AGAP1: variants seen among roughly 807,000 people sequenced by gnomAD.
The protein encoded by AGAP1 is ArfGAP with GTPase domain, ankyrin repeat and PH domain 1.
A neutral mutation model predicts 105.3 loss-of-function variants in AGAP1; 29 were observed. The observed-to-expected ratio is 0.28, with a 90% CI of 0.21 to 0.38. The LOEUF (loss-of-function observed/expected upper bound fraction) is 0.38, where lower values mean the gene tolerates loss of function less well. Among genes scored for constraint, AGAP1 ranks in the 10% least tolerant of loss-of-function variants. The probability of loss-of-function intolerance (pLI) is 1.00; values close to 1 mark genes in which losing one functional copy is unlikely to be tolerated. For missense variants in AGAP1, 998 were observed against 1,165.1 expected (o/e 0.86, Z 2.09); for synonymous variants, 509 against 485.9 (o/e 1.05, Z -0.63).
At chr2:235,682,888 G>A (rs1274300333) in intron 1 of AGAP1, among the ~76,000 whole-genome samples, 1 of 151,816 alleles carries the variant, frequency 6.6e-6, no homozygotes, top group African/African-American at 2.4e-5. Context: ...TTTTGTTGAT[G>A]GACTCATCTC....
chr2:235,580,228 G>C (rs1211318439), intron 1 of AGAP1, among the ~76,000 whole-genome samples: 1 of 152,144 alleles, frequency 6.6e-6, no homozygotes, highest in African/African-American at 2.4e-5. Context: ...GGATTTGCTT[G>C]AGTTGCCATT....
Position 235,832,821 on chromosome 2 carries a change from C to T in AGAP1, c.1050+25490C>T, listed in dbSNP as rs1435430711. ...TAGAAGGCAGGTGGGCAGCTGGCACCCAGATCCCATGGATCAATACCATGT... is the reference window on the plus strand; with the variant it reads ...TAGAAGGCAGGTGGGCAGCTGGCACTCAGATCCCATGGATCAATACCATGT... On this transcript the variant is annotated intron_variant, in intron 9 of 17. Coordinates refer to ENST00000304032, the MANE Select transcript of AGAP1 (RefSeq NM_001037131.3). Among the ~76,000 whole-genome samples the T allele has an allele frequency of 2.0e-5, 3 of 152,132 alleles. No homozygotes were observed. The East Asian group carries it at 5.8e-4, about 29-fold the overall frequency.
chr2:235,750,414 A>G lies in AGAP1; in HGVS notation c.599A>G (p.Asn200Ser), dbSNP rs142215390. 4.6e-5 allele frequency: 75 copies of G among 1,614,204 alleles called. No individual in the cohort carries two copies. The highest frequency in any genetic ancestry group is 5.5e-5 in the Non-Finnish European group (65 of 1,180,040). Residue 200 changes from asparagine (N) to serine (S), a missense_variant, in exon 6 of 18, where the codon AAC becomes AGC. Transcript: ENST00000304032. The surrounding 1 kb of genome is among the most constrained non-coding windows in gnomAD (Gnocchi z 5.3). The part of the protein sequence containing the change: ...IDDARARKLS[N>S]DLKRCTYYET... ...GACGCCAGGGCGAGGAAGCTCTCCA[A>G]CGACCTGAAACGGTGCACGTACTAC...
At chr2:236,099,044 CG>C (rs2059269655) in intron 16 of AGAP1, among the ~76,000 whole-genome samples, 1 of 151,900 alleles carries the variant, frequency 6.6e-6, no homozygotes, top group Admixed American at 6.6e-5. Context: ...ACCTCCCCAG[CG>C]GGGGAGCCAG....
Position 236,036,677 on chromosome 2 carries a change from C to G in AGAP1, c.1762C>G (p.Leu588Val). 6.2e-7 allele frequency: 1 copy of G among 1,614,224 alleles called. No homozygotes were observed. Among genetic ancestry groups the G allele is most frequent in the Non-Finnish European group, 8.5e-7 (1 of 1,180,038 alleles). Residue 588 changes from leucine (L) to valine (V), a missense_variant, in exon 14 of 18, where the codon CTG (leucine) becomes GTG (valine). This residue lies in a region of AGAP1 where 735 missense variants were observed against 833.4 expected (regional missense o/e 0.88). Transcript: ENST00000304032. This position sits in a 1 kb window ranked among gnomAD's most constrained non-coding sequence, Gnocchi z 5.7. ...GGTCCAAGCCATCGAGAGCCAGATC[C>G]TGGCCAGCCTGCAGTCGTGCGAGAG... ...AWVQAIESQI[L>V]ASLQSCESSK...
At chr2:235,770,626 G>T (rs967332794) in intron 6 of AGAP1, among the ~76,000 whole-genome samples, 2 of 152,172 alleles carry the variant, frequency 1.3e-5, no homozygotes, top group Non-Finnish European at 2.9e-5. Flanking sequence ...TTAAATAGAA[G>T]CTTAAACTGA....
Position 236,124,051 on chromosome 2 carries a change from G to A in AGAP1, c.2503G>A (p.Ala835Thr). The change falls in exon 18 of 18, where the codon GCC (alanine) becomes ACC (threonine). Residue 835 changes from alanine (A) to threonine (T), a missense_variant. Physicochemically the swap from Ala to Thr is moderately conservative, Grantham distance 58 (BLOSUM62 0). Transcript: ENST00000304032. The surrounding 1 kb of genome is among the most constrained non-coding windows in gnomAD (Gnocchi z 5.1). ...GCPDERFVLM[A>T]TPNLSRRNNN... ...CCCCGACGAGCGCTTCGTGCTCATG[G>A]CCACCCCTAACCTGTCCAGGAGAAA... is the stretch of plus-strand genomic sequence containing the variant. 2 of 1,614,102 alleles carry A rather than the reference G, an allele frequency of 1.2e-6. No individual in the cohort carries two copies.
At chr2:235,632,537 G>T (rs544964684) in intron 1 of AGAP1, among the ~76,000 whole-genome samples, 3 of 152,330 alleles carry the variant, frequency 2.0e-5, no homozygotes, top group Non-Finnish European at 4.4e-5. Flanking sequence ...GGGGTCATCT[G>T]TGACCATCTG....
intron 11 of AGAP1, among the ~76,000 whole-genome samples, chr2:235,917,578 G>C (rs1050304169): frequency 6.6e-6 from 1 of 152,048 alleles, no homozygotes; most frequent in South Asian, 2.1e-4. Context: ...CAGGGACCGG[G>C]GTAATAAGGA....
At position 235,900,081 on chromosome 2, in the gene AGAP1, C is replaced by T. The variant is rs996002640; in HGVS notation, c.1156-8657C>T. Among the ~76,000 whole-genome samples the T allele has an allele frequency of 1.3e-5, 2 of 152,212 alleles. No individual in the cohort carries two copies. The highest frequency in any genetic ancestry group is 2.9e-5 in the Non-Finnish European group (2 of 68,044). On this transcript the variant is annotated intron_variant, in intron 10 of 17. Coordinates refer to ENST00000304032, the MANE Select transcript of AGAP1 (RefSeq NM_001037131.3). This position sits in a 1 kb window ranked among gnomAD's most constrained non-coding sequence, Gnocchi z 5.5. ...ATGAAGCAGAGAAGTCTGCTTTTGC[C>T]ATCATGTAGGGACTCTCCACTGTAC...
chr2:235,561,933 A>T (rs1944166692), intron 1 of AGAP1, among the ~76,000 whole-genome samples: 2 of 152,184 alleles, frequency 1.3e-5, no homozygotes, highest in Admixed American at 1.3e-4. Flanking sequence ...CATTTAACTT[A>T]GATTTATGGC....
chr2:236,040,746 C>A lies in AGAP1; in HGVS notation c.1801-5C>A. On this transcript the variant is annotated splice_polypyrimidine_tract_variant and splice_region_variant and intron_variant, in intron 14 of 17. Coordinates refer to ENST00000304032, the MANE Select transcript of AGAP1 (RefSeq NM_001037131.3). The surrounding 1 kb of genome is among the most constrained non-coding windows in gnomAD (Gnocchi z 5.6). ...CCTTGTATTTGTGTCTTCCTCCGTG[C>A]CCAGTCCCGGCTGACGAGCCAGAGC... The A allele has an allele frequency of 6.2e-7, 1 of 1,612,966 alleles. No individual in the cohort carries two copies. The highest frequency in any genetic ancestry group is 8.5e-7 in the Non-Finnish European group (1 of 1,180,008).
intron 16 of AGAP1, among the ~76,000 whole-genome samples, chr2:236,118,103 G>A (rs538697819): frequency 1.3e-5 from 2 of 152,278 alleles, no homozygotes; most frequent in African/African-American, 2.4e-5. Context: ...GGGCTAACCC[G>A]ACACTAGATC....
intron 16 of AGAP1, among the ~76,000 whole-genome samples, chr2:236,070,075 G>A (rs759661888): frequency 5.3e-5 from 8 of 152,240 alleles, no homozygotes; most frequent in Non-Finnish European, 2.9e-5. Context: ...GCTGGCTGTG[G>A]CGCTGTATGA....
intron 16 of AGAP1, among the ~76,000 whole-genome samples, chr2:236,059,416 C>T (rs1417391698): frequency 6.6e-6 from 1 of 152,080 alleles, no homozygotes; most frequent in East Asian, 1.9e-4. Flanking sequence ...GGCAAAATCA[C>T]TTTCAGAATC....
rs951328581 is a variant in AGAP1 at position 235,733,344 on chromosome 2, C to T, written c.311-7619C>T. 3.3e-5 allele frequency among the ~76,000 whole-genome samples: 5 copies of T among 152,190 alleles called. No homozygotes were observed. The highest frequency in any genetic ancestry group is 1.2e-4 in the African/African-American group (5 of 41,452). ...CACGGCTGCCCCTTCTGTTTCTTCC[C>T]TGCGCACTTTGGGGTGAAGTGATGG... On this transcript the variant is annotated intron_variant, in intron 3 of 17. Transcript: ENST00000304032. This position sits in a 1 kb window ranked among gnomAD's most constrained non-coding sequence, Gnocchi z 5.0.
Position 235,951,821 on chromosome 2 carries a change from G to A in AGAP1, c.1484-16641G>A, listed in dbSNP as rs2053751602. ...TCACACACAGGCAGTTTTTACACCAGCCAAACTTAGAGCTTCATAAATGCA... is the reference window on the plus strand; with the variant it reads ...TCACACACAGGCAGTTTTTACACCAACCAAACTTAGAGCTTCATAAATGCA... On this transcript the variant is annotated intron_variant, in intron 12 of 17. Transcript: ENST00000304032. The surrounding 1 kb of genome is among the most constrained non-coding windows in gnomAD (Gnocchi z 4.2). Among the ~76,000 whole-genome samples, 1 of 152,188 alleles carries A rather than the reference G, an allele frequency of 6.6e-6. No individual in the cohort carries two copies. The highest frequency in any genetic ancestry group is 1.9e-4 in the East Asian group (1 of 5,164).
rs1957049839 is a variant in AGAP1 at position 235,792,674 on chromosome 2, A to G, written c.674-5085A>G. On this transcript the variant is annotated intron_variant, in intron 6 of 17. Transcript: ENST00000304032. The surrounding 1 kb of genome is among the most constrained non-coding windows in gnomAD (Gnocchi z 5.3). ...ATCATCTGTTAGGTCTGTTCTGTCC[A>G]TGGTGAAGAGCGGGTTGTGCCATCG... Among the ~76,000 whole-genome samples, 1 of 152,222 alleles carries G rather than the reference A, an allele frequency of 6.6e-6. No homozygotes were observed. The highest frequency in any genetic ancestry group is 1.5e-5 in the Non-Finnish European group (1 of 68,046).
rs1211284798 is a variant in AGAP1, at chr2:235,769,662, G to A, written c.673+19174G>A. On this transcript the variant is annotated intron_variant, in intron 6 of 17. Coordinates refer to ENST00000304032, the MANE Select transcript of AGAP1 (RefSeq NM_001037131.3). This position sits in a 1 kb window ranked among gnomAD's most constrained non-coding sequence, Gnocchi z 4.4. ...CTTCCAACACAATATACAATTAATT[G>A]CTGTAAAATATCGTGGTCAAAATCT... is the stretch of plus-strand genomic sequence containing the variant. 2.6e-5 allele frequency among the ~76,000 whole-genome samples: 4 copies of A among 152,072 alleles called. No homozygotes were observed. The highest frequency in any genetic ancestry group is 7.2e-5 in the African/African-American group (3 of 41,408).
Sources: gnomAD v4.1 joint callset for allele counts (sites outside exome capture counted in the v4.1 genomes callset) on GRCh38, gnomAD v4.1.1 for gene constraint, gnomAD v4.1.1 regional missense constraint, Gnocchi (gnomAD v3.1) non-coding constraint, MANE v1.5 for transcripts, NCBI Gene and HGNC (gene_info 2026-07-23, HGNC 2026-07-21) for gene names.